The following TLE4 variants were observed in gnomAD, a reference collection of about 807,000 sequenced individuals.
TLE4 encodes the protein transducin-like enhancer protein 4.
Under a neutral mutation model 92.8 loss-of-function variants are expected in TLE4, and 8 were observed. The ratio of observed to expected loss-of-function variants is 0.09; its 90% CI spans 0.05 to 0.16. The LOEUF is 0.16. Among genes scored for constraint, TLE4 ranks in the 10% least tolerant of loss-of-function variants. The pLI, the probability that TLE4 is intolerant of heterozygous loss-of-function variation, is 1.00. For missense variants in TLE4, 675 were observed against 997.6 expected, an observed-to-expected ratio of 0.68 and a Z score of 4.36; for synonymous variants, 371 against 374.1, an observed-to-expected ratio of 0.99 and a Z score of 0.10.
At chr9:79,668,807 T>C in intron 8 of TLE4, 2 of 985,358 alleles carry the variant, frequency 2.0e-6, no homozygotes, top group Non-Finnish European at 2.4e-6. Flanking sequence ...CTCTTTTGTA[T>C]ATTCAAATGG....
At chr9:79,592,524 C>T (rs2042968219) in intron 4 of TLE4, among the ~76,000 whole-genome samples, 1 of 152,098 alleles carries the variant, frequency 6.6e-6, no homozygotes, top group African/African-American at 2.4e-5. Context: ...CACACGCCCA[C>T]CTCATCCTTC....
chr9:79,696,954 A>G (rs965640921), intron 8 of TLE4, among the ~76,000 whole-genome samples: 2 of 152,188 alleles, frequency 1.3e-5, no homozygotes, highest in East Asian at 1.9e-4. Context: ...AGTCAAACTC[A>G]TGTACCACAT....
At chr9:79,595,849 CTTTTT>C (rs746656900) in intron 4 of TLE4, among the ~76,000 whole-genome samples, 13 of 138,588 alleles carry the variant, frequency 9.4e-5, no homozygotes, top group African/African-American at 3.4e-4. Context: ...TTGCCATCTA[CTTTTT>C]TTTTTTTTTT....
At chr9:79,590,026 T>C (rs2042149084) in intron 4 of TLE4, among the ~76,000 whole-genome samples, 1 of 152,208 alleles carries the variant, frequency 6.6e-6, no homozygotes, top group Non-Finnish European at 1.5e-5. Context: ...TGAACCTGTT[T>C]TACTTGGACT....
Position 79,724,557 on chromosome 9 carries a change from A to G in TLE4, c.2215-480A>G, listed in dbSNP as rs569447045. ...TCCGATCCACCTCTGCCATTTTAAG[A>G]AAGTGCCACGTGGTGGCTCATGCCT... On this transcript the variant is annotated intron_variant, in intron 19 of 19. Transcript: ENST00000376552. 3.9e-5 allele frequency among the ~76,000 whole-genome samples: 6 copies of G among 152,180 alleles called. No individual in the cohort carries two copies. The South Asian group carries it at 1.2e-3, about 32-fold the overall frequency.
At chr9:79,653,859 C>T (rs1361088025) in intron 7 of TLE4, among the ~76,000 whole-genome samples, 200 bp from the exon 8 acceptor site, 1 of 152,122 alleles carries the variant, frequency 6.6e-6, no homozygotes, top group Non-Finnish European at 1.5e-5. Flanking sequence ...GAAATTGTGT[C>T]AAAGGTAGAT....
intron 8 of TLE4, among the ~76,000 whole-genome samples, chr9:79,691,847 C>T (rs1053615143): frequency 5.9e-5 from 9 of 152,170 alleles, no homozygotes; most frequent in African/African-American, 2.2e-4. Context: ...TAACACATTG[C>T]CATTCGCATT....
intron 4 of TLE4, among the ~76,000 whole-genome samples, chr9:79,581,767 T>C (rs1446338987): frequency 6.6e-6 from 1 of 152,186 alleles, no homozygotes; most frequent in Non-Finnish European, 1.5e-5. Context: ...GGGTTAGAGA[T>C]TCAGGCCCCA....
intron 14 of TLE4, chr9:79,718,181 T>A (rs938730030): frequency 5.2e-6 from 2 of 384,388 alleles, no homozygotes; most frequent in African/African-American, 4.3e-5. Context: ...GGCTTTATCT[T>A]TTTTTTTTTG....
At chr9:79,659,064 T>C (rs2060164549) in intron 8 of TLE4, among the ~76,000 whole-genome samples, 1 of 152,182 alleles carries the variant, frequency 6.6e-6, no homozygotes, top group Admixed American at 6.5e-5. Flanking sequence ...GTATAGCTCA[T>C]AGGTTAGATT....
intron 14 of TLE4, 33 bp from the exon 15 acceptor site, chr9:79,718,689 C>G: frequency 1.3e-6 from 2 of 1,583,550 alleles, no homozygotes; most frequent in Non-Finnish European, 1.7e-6. Flanking sequence ...TTTTTACATT[C>G]CCCTCTTTCT....
Position 79,708,774 on chromosome 9 carries a change from G to A in TLE4, c.1251G>A (p.Gly417=). The A allele has an allele frequency of 6.2e-7, 1 of 1,605,718 alleles. No individual in the cohort carries two copies. Among genetic ancestry groups the A allele is most frequent in the Non-Finnish European group, 8.5e-7 (1 of 1,179,860 alleles). ...CCGCCGCTGCTGCTGCTGCCTATGG[G>A]AGATCACCAGTGGTGCGTTTGTGAG... ...AAAAAAAAAY[G]RSPVVGFDPH... Residue 417 remains glycine, a synonymous_variant, in exon 13 of 20, where the codon GGG becomes GGA. Coordinates refer to ENST00000376552, the MANE Select transcript of TLE4 (RefSeq NM_007005.6).
intron 4 of TLE4, among the ~76,000 whole-genome samples, chr9:79,584,476 ATACT>A (rs1347552597): frequency 1.3e-5 from 2 of 152,186 alleles, no homozygotes; most frequent in African/African-American, 4.8e-5. Context: ...ACTGTGTTAG[ATACT>A]TACCTGTTTA....
intron 8 of TLE4, among the ~76,000 whole-genome samples, chr9:79,669,958 G>T (rs2062006117): frequency 6.6e-6 from 1 of 152,248 alleles, no homozygotes; most frequent in South Asian, 2.1e-4. Flanking sequence ...TATTTTGCTT[G>T]TTTCAGTACT....
intron 4 of TLE4, among the ~76,000 whole-genome samples, chr9:79,604,364 G>A (rs1042440563): frequency 2.0e-5 from 3 of 152,154 alleles, no homozygotes; most frequent in African/African-American, 4.8e-5. Flanking sequence ...AAAGTGTGGT[G>A]GAAGTGTAAT....
Position 79,708,236 on chromosome 9 carries a change from G to T in TLE4, c.1055G>T (p.Gly352Val). ...AGGCCTGTACCTGGAAAACCACCAG[G>T]AGTTGACCCTTTGGGTTAGTAAGAA... is the stretch of plus-strand genomic sequence containing the variant. ...GLRPVPGKPP[G>V]VDPLASSLRT... The change falls in exon 12 of 20, where the codon GGA (glycine) becomes GTA (valine). Residue 352 changes from glycine to valine, a missense_variant. Physicochemically the swap from Gly to Val is moderately radical, Grantham distance 109 (BLOSUM62 -3). Around this residue, in one of 5 missense-constraint regions of TLE4, gnomAD observed 280 missense variants for 287.3 expected, o/e 0.97. Coordinates refer to ENST00000376552, the MANE Select transcript of TLE4 (RefSeq NM_007005.6). 1 of 1,613,992 alleles carries T rather than the reference G, an allele frequency of 6.2e-7. No homozygotes were observed. The highest frequency in any genetic ancestry group is 8.5e-7 in the Non-Finnish European group (1 of 1,179,980).
At chr9:79,684,972 T>A (rs914629213) in intron 8 of TLE4, among the ~76,000 whole-genome samples, 1 of 152,188 alleles carries the variant, frequency 6.6e-6, no homozygotes, top group Non-Finnish European at 1.5e-5. Context: ...GGTGACTGGC[T>A]TGTAGCCTGG....
intron 8 of TLE4, among the ~76,000 whole-genome samples, chr9:79,697,461 C>T (rs891200051): frequency 6.6e-6 from 1 of 152,054 alleles, no homozygotes; most frequent in Non-Finnish European, 1.5e-5. Flanking sequence ...TGTGGCCCAA[C>T]ACTTGCACCA....
Position 79,644,482 on chromosome 9 carries a change from G to A in TLE4, c.391-8111G>A, listed in dbSNP as rs78814125. Among the ~76,000 whole-genome samples the A allele has an allele frequency of 8.9e-3, 1,360 of 152,158 alleles. 28 individuals carry two copies. The highest frequency in any genetic ancestry group is 0.031 in the African/African-American group (1,272 of 41,500). ...GTAGATTTTGTAACTAACTGTTCTC[G>A]CTTTTTACATGAAGAAACAGAGCAT... On this transcript the variant is annotated intron_variant, in intron 6 of 19. Transcript: ENST00000376552.
Sources: allele counts gnomAD v4.1 joint callset (sites outside exome capture counted in the v4.1 genomes callset), GRCh38; gene constraint gnomAD v4.1.1; regional missense constraint gnomAD v4.1.1; transcripts MANE v1.5; gene names NCBI Gene and HGNC (gene_info 2026-07-23, HGNC 2026-07-21).